MACF1: variants seen among roughly 807,000 people sequenced by gnomAD.
The protein encoded by MACF1 is microtubule-actin cross-linking factor 1.
Under a neutral mutation model 854.8 loss-of-function variants are expected in MACF1, and 193 were observed. That is an observed-to-expected ratio of 0.23 (90% CI 0.20 to 0.25). MACF1 has a LOEUF of 0.25. Among genes scored for constraint, MACF1 ranks in the 10% least tolerant of loss-of-function variants. The probability of loss-of-function intolerance (pLI) is 1.00; values close to 1 mark genes in which losing one functional copy is unlikely to be tolerated. For synonymous variants in MACF1, 3,185 were observed against 3,226.7 expected, an observed-to-expected ratio of 0.99 and a Z score of 0.44; for missense variants, 7,722 against 8,929.1, an observed-to-expected ratio of 0.86 and a Z score of 5.45.
At chr1:39,280,505 C>T (rs951832602) in intron 6 of MACF1, among the ~76,000 whole-genome samples, 8 of 152,056 alleles carry the variant, frequency 5.3e-5, no homozygotes, top group East Asian at 1.9e-4. Context: ...CCTCAGGAAA[C>T]GTGCAGTCTA....
intron 1 of MACF1, among the ~76,000 whole-genome samples, chr1:39,218,491 C>A (rs1644605573): frequency 6.6e-6 from 1 of 152,058 alleles, no homozygotes; most frequent in Non-Finnish European, 1.5e-5. Context: ...TTGGTTTCTT[C>A]ATCTTTAAGA....
At chr1:39,412,975 CCA>C in intron 58 of MACF1, 1 of 1,588,676 alleles carries the variant, frequency 6.3e-7, no homozygotes, top group Non-Finnish European at 8.6e-7. Flanking sequence ...AGTATCAGCC[CCA>C]GAGAGGGCTA....
chr1:39,294,747 G>A (rs866458373), intron 18 of MACF1, among the ~76,000 whole-genome samples: 1 of 152,036 alleles, frequency 6.6e-6, no homozygotes. Flanking sequence ...GGGTACTGAC[G>A]TGCAGGAACT....
intron 2 of MACF1, among the ~76,000 whole-genome samples, chr1:39,109,972 A>G (rs933004017): frequency 6.6e-6 from 1 of 152,146 alleles, no homozygotes; most frequent in African/African-American, 2.4e-5. Context: ...TCCCCTTATT[A>G]TGGGAGAAGT....
At chr1:39,200,270 C>T (rs1644373130), upstream of MACF1, among the ~76,000 whole-genome samples, 1 of 152,226 alleles carries the variant, frequency 6.6e-6, no homozygotes. Flanking sequence ...CCACTGAATC[C>T]TCTTTTTTAG....
At chr1:39,458,008 A>G (rs1215754337) in intron 89 of MACF1, 1 of 169,830 alleles carries the variant, frequency 5.9e-6, no homozygotes, top group African/African-American at 2.4e-5. Flanking sequence ...AGAGAGGGAG[A>G]GAGAGAAAGA....
At chr1:39,220,023 T>C (rs1299230957) in intron 1 of MACF1, among the ~76,000 whole-genome samples, 1 of 152,070 alleles carries the variant, frequency 6.6e-6, no homozygotes, top group Non-Finnish European at 1.5e-5. Context: ...AGTGCTGGGA[T>C]GGCAGGCGTG....
chr1:39,442,839 G>A lies in MACF1; in HGVS notation c.19230G>A (p.Met6410Ile), dbSNP rs141541905. ...GCTTAAGGAGCCGTTTGGAAGCCAT[G>A]AACCAATGCTGGGAGTCAGTGTTAC... is the stretch of plus-strand genomic sequence containing the variant. ...ASSLRSRLEAMNQCWESVLQK... is the reference protein window; with the variant it reads ...ASSLRSRLEAINQCWESVLQK... Residue 6410 changes from methionine to isoleucine, a missense_variant, in exon 78 of 101, where the codon ATG (methionine) becomes ATA (isoleucine). Met to Ile is a conservative substitution (Grantham distance 10). Transcript: ENST00000564288. 9.9e-6 allele frequency: 16 copies of A among 1,613,970 alleles called. No individual in the cohort carries two copies. The highest frequency in any genetic ancestry group is 1.4e-5 in the Non-Finnish European group (16 of 1,179,982).
In MACF1 at chr1:39,295,840, G is replaced by A. The variant is rs2148405808; in HGVS notation, c.2313G>A (p.Leu771=). 1.9e-6 allele frequency: 3 copies of A among 1,614,168 alleles called. No individual in the cohort carries two copies. The highest frequency in any genetic ancestry group is 2.2e-5 in the South Asian group (2 of 91,078). ...SQLQWMKQLC[L]CVEQHVKENT... is the part of the protein sequence containing the mutation. ...TGCAGTGGATGAAGCAGCTGTGCCTGTGTGTTGAGCAGCATGTGAAAGAGA... is the reference window on the plus strand; with the variant it reads ...TGCAGTGGATGAAGCAGCTGTGCCTATGTGTTGAGCAGCATGTGAAAGAGA... Residue 771 remains leucine (L), a synonymous_variant, in exon 20 of 101, where the codon CTG becomes CTA. Coordinates refer to ENST00000564288, the MANE Select transcript of MACF1 (RefSeq NM_001394062.1).
chr1:39,355,460 C>CTTTT lies in MACF1; in HGVS notation c.11425-1893_11425-1890dup, dbSNP rs56202498. ...ATTCCAGCTTTCTTTTTTTCTTCTG[C>CTTTT]TTTTTTTTTTTTTTTTTTTTTTTTT... is the stretch of plus-strand genomic sequence containing the variant. On this transcript the variant is annotated intron_variant, in intron 44 of 100. Transcript: ENST00000564288. Among the ~76,000 whole-genome samples, 537 of 81,114 alleles carry CTTTT rather than the reference C, an allele frequency of 6.6e-3. 2 individuals carry two copies. Among genetic ancestry groups the CTTTT allele is most frequent in the Non-Finnish European group, 8.6e-3 (387 of 44,866 alleles). The allele number at this position is 81,114 out of a possible 152,430, so 53.2% of individuals were successfully genotyped here.
At chr1:39,388,740 A>C in intron 58 of MACF1, 82 bp downstream of exon 58, 3 of 1,308,938 alleles carry the variant, frequency 2.3e-6, no homozygotes, top group Non-Finnish European at 3.1e-6. Context: ...TATACATTTT[A>C]ACTTCTGTCC....
chr1:39,137,697 G>A (rs1331396898), intron 2 of MACF1, among the ~76,000 whole-genome samples: 1 of 152,078 alleles, frequency 6.6e-6, no homozygotes, highest in Non-Finnish European at 1.5e-5. Flanking sequence ...ACCTTCAGAT[G>A]CTCTTTGGCA....
At chr1:39,463,738 T>C (rs763288052) in intron 94 of MACF1, 52 bp downstream of exon 94, 3 of 1,512,776 alleles carry the variant, frequency 2.0e-6, no homozygotes, top group Non-Finnish European at 2.8e-6. Flanking sequence ...CATATGTGGC[T>C]GATCCCACCT....
chr1:39,135,733 C>T (rs757348322), intron 2 of MACF1, among the ~76,000 whole-genome samples: 9 of 152,020 alleles, frequency 5.9e-5, no homozygotes, highest in Non-Finnish European at 1.3e-4. Context: ...AGGGTCCAGA[C>T]CTGGCAGAAT....
intron 2 of MACF1, among the ~76,000 whole-genome samples, chr1:39,118,672 T>G (rs574320338): frequency 2.0e-5 from 3 of 152,264 alleles, no homozygotes; most frequent in Admixed American, 2.0e-4. Flanking sequence ...GGCCTTGGCA[T>G]GAGTATGTGG....
Position 39,334,024 on chromosome 1 carries a change from C to T in MACF1, c.7436C>T (p.Thr2479Ile), listed in dbSNP as rs1228545084. 6 of 1,614,010 alleles carry T rather than the reference C, an allele frequency of 3.7e-6. No homozygotes were observed. The highest frequency in any genetic ancestry group is 1.3e-5 in the African/African-American group (1 of 74,898). The change falls in exon 37 of 101, where the codon ACA (threonine) becomes ATA (isoleucine). Residue 2479 changes from threonine to isoleucine, a missense_variant. By Grantham distance (89) the Thr-to-Ile change is moderately conservative. This residue lies in a region of MACF1 where 1,531 missense variants were observed against 1,601.6 expected (regional missense o/e 0.96). Transcript: ENST00000564288. ...LIDPDSKAPL[T>I]VVQSIDRGLL... ...GACCCTGATAGTAAAGCACCTTTAA[C>T]AGTTGTGCAGTCCATTGACAGAGGT... is the stretch of plus-strand genomic sequence containing the variant.
chr1:39,177,605 G>T (rs112925164), intron 2 of MACF1, among the ~76,000 whole-genome samples: 4 of 152,228 alleles, frequency 2.6e-5, no homozygotes, highest in African/African-American at 9.6e-5. Flanking sequence ...GATGGTGGGG[G>T]CAGGCGTATT....
chr1:39,395,936 A>G (rs1301976445), intron 58 of MACF1, among the ~76,000 whole-genome samples: 1 of 152,256 alleles, frequency 6.6e-6, no homozygotes, highest in East Asian at 1.9e-4. Context: ...AAGGAGCCTC[A>G]TGCCCCAGTG....
At chr1:39,401,504 A>G (rs1031482811) in intron 58 of MACF1, among the ~76,000 whole-genome samples, 8 of 152,260 alleles carry the variant, frequency 5.3e-5, no homozygotes, top group African/African-American at 1.9e-4. Flanking sequence ...CAAGCAGCTT[A>G]AAATACAGAT....
Sources: gnomAD v4.1 joint callset for allele counts (sites outside exome capture counted in the v4.1 genomes callset) on GRCh38, gnomAD v4.1.1 for gene constraint, gnomAD v4.1.1 regional missense constraint, MANE v1.5 for transcripts, NCBI Gene and HGNC (gene_info 2026-07-23, HGNC 2026-07-21) for gene names.